PIK3R2: variants seen among roughly 807,000 people sequenced by gnomAD.
The protein encoded by PIK3R2 is phosphoinositide-3-kinase regulatory subunit 2.
PIK3R2 carries 40 observed loss-of-function variants against 78.5 expected under a neutral mutation model. The observed-to-expected ratio is 0.51, with a 90% CI of 0.40 to 0.66. The LOEUF (loss-of-function observed/expected upper bound fraction) is 0.66. PIK3R2 is among the 30% of genes least tolerant of loss of function. The pLI is 0.00. For synonymous variants in PIK3R2, 473 were observed against 457.7 expected, an observed-to-expected ratio of 1.03 and a Z score of -0.43; for missense variants, 880 against 1,026.6, an observed-to-expected ratio of 0.86 and a Z score of 1.95.
chr19:18,167,863 CAGAAA>C lies in PIK3R2; in HGVS notation c.1736+569_1736+573del, dbSNP rs1168530159. On this transcript the variant is annotated intron_variant, in intron 13 of 15. Coordinates refer to ENST00000222254, the MANE Select transcript of PIK3R2 (RefSeq NM_005027.4). This position sits in a 1 kb window ranked among gnomAD's most constrained non-coding sequence, Gnocchi z 4.5. The stretch of plus-strand genomic sequence containing the variant: ...TGGGCAACAGAGCAACACTCTGCCT[CAGAAA>C]AGAAAAGAAAAAAAAAATCGCCTGC... 6.6e-6 allele frequency among the ~76,000 whole-genome samples: 1 copy of C among 150,814 alleles called. No individual in the cohort carries two copies. The highest frequency in any genetic ancestry group is 2.4e-5 in the African/African-American group (1 of 41,060).
rs2043736553 is a variant in PIK3R2, at chr19:18,161,012, C to G, written c.467-42C>G. ...TGGGGTTGGGAGGAGGCTGGGGGCCCCAGTACACATGAGTTGGACGTGTGC... is the reference window on the plus strand; with the variant it reads ...TGGGGTTGGGAGGAGGCTGGGGGCCGCAGTACACATGAGTTGGACGTGTGC... On this transcript the variant is annotated intron_variant, in intron 4 of 15. Coordinates refer to ENST00000222254, the MANE Select transcript of PIK3R2 (RefSeq NM_005027.4). The surrounding 1 kb of genome is among the most constrained non-coding windows in gnomAD (Gnocchi z 5.3). The G allele has an allele frequency of 6.2e-7, 1 of 1,612,042 alleles. No individual in the cohort carries two copies. Among genetic ancestry groups the G allele is most frequent in the Non-Finnish European group, 8.5e-7 (1 of 1,179,454 alleles).
Position 18,167,146 on chromosome 19 carries a change from G to A in PIK3R2, c.1576G>A (p.Glu526Lys), listed in dbSNP as rs1291125379. Residue 526 changes from glutamate (E) to lysine (K), a missense_variant, in exon 13 of 16, where the codon GAG becomes AAG. Physicochemically the swap from Glu to Lys is moderately conservative, Grantham distance 56 (BLOSUM62 1). This residue lies in a region of PIK3R2 where 268 missense variants were observed against 299.1 expected (regional missense o/e 0.90). Coordinates refer to ENST00000222254, the MANE Select transcript of PIK3R2 (RefSeq NM_005027.4). This position sits in a 1 kb window ranked among gnomAD's most constrained non-coding sequence, Gnocchi z 4.5. ...KEMQRILLNSERLKSRIAEIH... is the reference protein window; with the variant it reads ...KEMQRILLNSKRLKSRIAEIH... The stretch of plus-strand genomic sequence containing the variant: ...CTCCCACAGGATCCTGCTGAACTCC[G>A]AGCGGCTCAAGTCCCGCATTGCCGA... 9 of 1,592,168 alleles carry A rather than the reference G, an allele frequency of 5.7e-6. No homozygotes were observed. Among genetic ancestry groups the A allele is most frequent in the South Asian group, 2.3e-5 (2 of 88,722 alleles).
intron 1 of PIK3R2, 92 bp from the exon 2 acceptor site, chr19:18,155,365 C>T (rs1043018675): frequency 2.8e-6 from 1 of 355,316 alleles, no homozygotes; most frequent in Non-Finnish European, 5.0e-6. Flanking sequence ...CCCAGTGATT[C>T]AGGGAATTCC....
rs1193898416 is a variant in PIK3R2 at position 18,167,162 on chromosome 19, G to A, written c.1592G>A (p.Arg531His). The change falls in exon 13 of 16, where the codon CGC (arginine) becomes CAC (histidine). Residue 531 changes from arginine to histidine, a missense_variant. Transcript: ENST00000222254. The surrounding 1 kb of genome is among the most constrained non-coding windows in gnomAD (Gnocchi z 4.5). ...CTGAACTCCGAGCGGCTCAAGTCCC[G>A]CATTGCCGAGATCCATGAGAGCCGC... is the stretch of plus-strand genomic sequence containing the variant. ...ILLNSERLKS[R>H]IAEIHESRTK... The A allele has an allele frequency of 6.2e-7, 1 of 1,603,434 alleles. No homozygotes were observed. Among genetic ancestry groups the A allele is most frequent in the Non-Finnish European group, 8.5e-7 (1 of 1,174,974 alleles).
chr19:18,163,361 T>C lies in PIK3R2; in HGVS notation c.1389T>C (p.Leu463=). ...YQDKSREYDQ[L]YEEYTRTSQE... ...ACAAGAGCCGCGAGTATGACCAGCT[T>C]TATGAAGAGTACACACGGACCTCCC... The change falls in exon 11 of 16, where the codon CTT becomes CTC. Residue 463 remains leucine, a synonymous_variant. Transcript: ENST00000222254. 1 of 1,613,896 alleles carries C rather than the reference T, an allele frequency of 6.2e-7. No homozygotes were observed. The highest frequency in any genetic ancestry group is 2.2e-5 in the East Asian group (1 of 44,886).
At chr19:18,164,356 A>C (rs1460065905) in intron 11 of PIK3R2, among the ~76,000 whole-genome samples, 1 of 151,866 alleles carries the variant, frequency 6.6e-6, no homozygotes, top group Non-Finnish European at 1.5e-5. Context: ...TTCAAAATGA[A>C]ATCATGCCAG....
Position 18,169,285 on chromosome 19 carries a change from C to G in PIK3R2, c.2178C>G (p.Ala726=). ...VRAPGPGPPP[A]AR is the part of the protein sequence containing the mutation. Reference sequence around the variant, plus strand: ...CCCCGGGCCCCGGCCCGCCGCCTGCCGCCCGCTGAGCACCGAGGACCCGCC... The same window carrying G: ...CCCCGGGCCCCGGCCCGCCGCCTGCGGCCCGCTGAGCACCGAGGACCCGCC... Residue 726 remains alanine (A), a synonymous_variant, in exon 16 of 16, where the codon GCC becomes GCG. Coordinates refer to ENST00000222254, the MANE Select transcript of PIK3R2 (RefSeq NM_005027.4). 11 of 1,498,854 alleles carry G rather than the reference C, an allele frequency of 7.3e-6. No homozygotes were observed. The highest frequency in any genetic ancestry group is 9.7e-6 in the Non-Finnish European group (11 of 1,130,154). 92.8% of individuals were successfully genotyped at this position (1,498,854 alleles called of 1,614,324 possible).
rs1364432354 is a variant in PIK3R2 at position 18,156,841 on chromosome 19, G to A, written c.322+640G>A. On this transcript the variant is annotated intron_variant, in intron 2 of 15. Transcript: ENST00000222254. This position sits in a 1 kb window ranked among gnomAD's most constrained non-coding sequence, Gnocchi z 4.2. ...ATCACCACTTGCCAGGGGTGTGCCA[G>A]GTGTAGAGAATCGGGGGCACCGAGC... Among the ~76,000 whole-genome samples the A allele has an allele frequency of 6.6e-6, 1 of 152,154 alleles. No homozygotes were observed. The highest frequency in any genetic ancestry group is 2.4e-5 in the African/African-American group (1 of 41,454).
At chr19:18,153,459 C>T (rs527974906) in intron 1 of PIK3R2, among the ~76,000 whole-genome samples, 165 bp downstream of exon 1, 6 of 152,294 alleles carry the variant, frequency 3.9e-5, no homozygotes, top group African/African-American at 1.4e-4. Context: ...GCCTCGGGCT[C>T]GGCTCCGCAG....
intron 2 of PIK3R2, among the ~76,000 whole-genome samples, chr19:18,158,876 C>T (rs907601840): frequency 3.9e-5 from 6 of 152,070 alleles, no homozygotes; most frequent in African/African-American, 1.4e-4. Flanking sequence ...GAGTTTCGCT[C>T]TTGTCGCCCA....
rs569959631 is a variant in PIK3R2 at position 18,160,329 on chromosome 19, G to A, written c.323-142G>A. 83 of 641,018 alleles carry A rather than the reference G, an allele frequency of 1.3e-4. 1 individual carries two copies. Among genetic ancestry groups the A allele is most frequent in the South Asian group, 9.5e-4 (50 of 52,676 alleles). 39.7% of individuals were successfully genotyped at this position (641,018 alleles called of 1,614,324 possible). The stretch of plus-strand genomic sequence containing the variant: ...CACCCAAGGTCTTGCAGCCTCCTGC[G>A]GATGGGAGTCAAGGTGCCAAGCACT... On this transcript the variant is annotated intron_variant, in intron 2 of 15. Coordinates refer to ENST00000222254, the MANE Select transcript of PIK3R2 (RefSeq NM_005027.4).
chr19:18,168,452 C>T lies in PIK3R2; in HGVS notation c.1737-23C>T, dbSNP rs1419426669. ...TCAGCACCCACACAACTGCACAAGC[C>T]CACCTTTCCTGTTCCTTCTCAGGTG... is the stretch of plus-strand genomic sequence containing the variant. On this transcript the variant is annotated intron_variant, in intron 13 of 15. Coordinates refer to ENST00000222254, the MANE Select transcript of PIK3R2 (RefSeq NM_005027.4). The surrounding 1 kb of genome is among the most constrained non-coding windows in gnomAD (Gnocchi z 4.1). The T allele has an allele frequency of 1.3e-6, 1 of 777,984 alleles. No homozygotes were observed. Among genetic ancestry groups the T allele is most frequent in the South Asian group, 1.3e-5 (1 of 74,188 alleles). The allele number at this position is 777,984 out of a possible 1,614,324, so 48.2% of individuals were successfully genotyped here.
Position 18,167,197 on chromosome 19 carries a change from G to C in PIK3R2, c.1627G>C (p.Glu543Gln). 6.2e-7 allele frequency: 1 copy of C among 1,611,806 alleles called. No homozygotes were observed. Among genetic ancestry groups the C allele is most frequent in the Non-Finnish European group, 8.5e-7 (1 of 1,179,088 alleles). ...GATCCATGAGAGCCGCACGAAGCTG[G>C]AGCAGCAGCTGCGGGCCCAGGCCTC... Reference protein sequence around the residue: ...AEIHESRTKLEQQLRAQASDN... With the variant: ...AEIHESRTKLQQQLRAQASDN... Residue 543 changes from glutamate to glutamine, a missense_variant, in exon 13 of 16, where the codon GAG becomes CAG. Transcript: ENST00000222254. The surrounding 1 kb of genome is among the most constrained non-coding windows in gnomAD (Gnocchi z 4.5).
In PIK3R2 at chr19:18,161,261, C is replaced by A; in HGVS notation, c.599-18C>A. ...GGGCCCAGGCCTGGCTCACCCTGCC[C>A]TGGCCATCTGTCCGCAGAGGCCGCG... On this transcript the variant is annotated intron_variant, in intron 5 of 15. Transcript: ENST00000222254. The surrounding 1 kb of genome is among the most constrained non-coding windows in gnomAD (Gnocchi z 5.3). 6.9e-7 allele frequency: 1 copy of A among 1,439,580 alleles called. No individual in the cohort carries two copies. Among genetic ancestry groups the A allele is most frequent in the South Asian group, 1.4e-5 (1 of 69,416 alleles). 89.2% of individuals were successfully genotyped at this position (1,439,580 alleles called of 1,614,324 possible).
rs771917477 is a variant in PIK3R2, at chr19:18,166,327, C to T, written c.1559+25C>T. ...GGTGAGTCTGGCGCCTCTGCCCTGCCCCACCCCACCCTGATCTGGTGCAGT... is the reference window on the plus strand; with the variant it reads ...GGTGAGTCTGGCGCCTCTGCCCTGCTCCACCCCACCCTGATCTGGTGCAGT... On this transcript the variant is annotated intron_variant, in intron 12 of 15. Coordinates refer to ENST00000222254, the MANE Select transcript of PIK3R2 (RefSeq NM_005027.4). The T allele has an allele frequency of 3.8e-6, 6 of 1,598,986 alleles. No homozygotes were observed. In the East Asian group the frequency reaches 8.9e-5, roughly 24 times the overall value.
At position 18,169,621 on chromosome 19, in the gene PIK3R2, A is replaced by G. The variant is rs976521183; in HGVS notation, c.*327A>G. The G allele has an allele frequency of 4.9e-5, 13 of 263,276 alleles. No homozygotes were observed. The highest frequency in any genetic ancestry group is 9.5e-5 in the Non-Finnish European group (13 of 137,512). 16.3% of individuals were successfully genotyped at this position (263,276 alleles called of 1,614,324 possible). A position where few individuals can be genotyped will look rare whatever the true frequency, so the allele number is the denominator to read the frequency against. ...CCTGACCCTCTGCCCTGCCCACCGCAGGTCCCCCGGGGTCCCGGAAGCCCC... is the reference window on the plus strand; with the variant it reads ...CCTGACCCTCTGCCCTGCCCACCGCGGGTCCCCCGGGGTCCCGGAAGCCCC... On this transcript the variant is annotated 3_prime_UTR_variant, in exon 16 of 16. Transcript: ENST00000222254.
chr19:18,160,955 C>G lies in PIK3R2; in HGVS notation c.452C>G (p.Pro151Arg). 1 of 1,612,402 alleles carries G rather than the reference C, an allele frequency of 6.2e-7. No individual in the cohort carries two copies. The highest frequency in any genetic ancestry group is 1.3e-5 in the African/African-American group (1 of 75,054). Residue 151 changes from proline to arginine, a missense_variant, in exon 4 of 16, where the codon CCC (proline) becomes CGC (arginine). Pro to Arg is a moderately radical substitution (Grantham distance 103). Transcript: ENST00000222254. ...GAATCTCACTACCGCCCGGAGCTGCCCGCACCGCGTACAGGTGAAGGGGAG... is the reference window on the plus strand; with the variant it reads ...GAATCTCACTACCGCCCGGAGCTGCGCGCACCGCGTACAGGTGAAGGGGAG... ...DSESHYRPELPAPRTDWSLSD... is the reference protein window; with the variant it reads ...DSESHYRPELRAPRTDWSLSD...
Position 18,163,404 on chromosome 19 carries a change from T to C in PIK3R2, c.1416+16T>C. The C allele has an allele frequency of 6.2e-7, 1 of 1,613,416 alleles. No homozygotes were observed. Among genetic ancestry groups the C allele is most frequent in the South Asian group, 1.1e-5 (1 of 91,022 alleles). ...GACCTCCCAGGTACTCCAGGCCCCG[T>C]ACATGAGGGAAACCGAGACATAGAG... On this transcript the variant is annotated intron_variant, in intron 11 of 15. Coordinates refer to ENST00000222254, the MANE Select transcript of PIK3R2 (RefSeq NM_005027.4).
intron 2 of PIK3R2, among the ~76,000 whole-genome samples, chr19:18,157,369 C>G (rs932894625): frequency 1.3e-5 from 2 of 151,734 alleles, no homozygotes; most frequent in African/African-American, 4.8e-5. Context: ...ATACACGGCC[C>G]CACGTGGGGC....
Sources: gnomAD v4.1 joint callset for allele counts (sites outside exome capture counted in the v4.1 genomes callset) on GRCh38, gnomAD v4.1.1 for gene constraint, gnomAD v4.1.1 regional missense constraint, Gnocchi (gnomAD v3.1) non-coding constraint, MANE v1.5 for transcripts, NCBI Gene and HGNC (gene_info 2026-07-23, HGNC 2026-07-21) for gene names.